Variants in PLCG2 observed in about 807,000 individuals in gnomAD.
PLCG2 encodes the protein phospholipase C gamma 2.
In PLCG2, 69 loss-of-function variants were observed where a neutral mutation model predicts 175.6. The observed-to-expected ratio is 0.39, with a 90% CI of 0.32 to 0.48. The LOEUF is 0.48. Ranked by LOEUF, PLCG2 falls within the 20% of genes least tolerant of loss-of-function variation. The probability of loss-of-function intolerance (pLI) is 0.91; values close to 1 mark genes in which losing one functional copy is unlikely to be tolerated. For missense variants in PLCG2, 1,798 were observed against 1,650.9 expected (o/e 1.09, Z -1.54); for synonymous variants, 827 against 624.0 (o/e 1.33, Z -4.85).
chr16:81,864,221 A>T (rs376236254), intron 5 of PLCG2, among the ~76,000 whole-genome samples: 1 of 152,306 alleles, frequency 6.6e-6, no homozygotes, highest in African/African-American at 2.4e-5. Flanking sequence ...TTGCATTTCA[A>T]CCAATCCCCA....
intron 22 of PLCG2, among the ~76,000 whole-genome samples, chr16:81,925,124 G>A (rs1047120764): frequency 1.3e-5 from 2 of 152,208 alleles, no homozygotes; most frequent in Non-Finnish European, 2.9e-5. Context: ...GCCTCTGACA[G>A]GCAGTTCTCT....
In PLCG2 at chr16:81,896,024, C is replaced by A. The variant is rs911886619; in HGVS notation, c.1193+97C>A. 10 of 1,452,034 alleles carry A rather than the reference C, an allele frequency of 6.9e-6. No homozygotes were observed. The African/African-American group carries it at 1.2e-4, about 18-fold the overall frequency. 89.9% of individuals were successfully genotyped at this position (1,452,034 alleles called of 1,614,324 possible). A position where few individuals can be genotyped will look rare whatever the true frequency, so the allele number is the denominator to read the frequency against. ...GACAGGCAAACACACACAGACACCTCCCTCCAAATGCGGGAAGGCCTGGGC... is the reference window on the plus strand; with the variant it reads ...GACAGGCAAACACACACAGACACCTACCTCCAAATGCGGGAAGGCCTGGGC... On this transcript the variant is annotated intron_variant, in intron 13 of 32. Coordinates refer to ENST00000564138, the MANE Select transcript of PLCG2 (RefSeq NM_002661.5).
intron 2 of PLCG2, among the ~76,000 whole-genome samples, chr16:81,832,906 C>A (rs1172900202): frequency 6.6e-6 from 1 of 152,184 alleles, no homozygotes; most frequent in African/African-American, 2.4e-5. Context: ...GTGTGAGGCC[C>A]AGGCAGCCAG....
At chr16:81,763,882 G>C (rs532605909) in intron 2 of PLCG2, among the ~76,000 whole-genome samples, 1 of 152,054 alleles carries the variant, frequency 6.6e-6, no homozygotes, top group Non-Finnish European at 1.5e-5. Context: ...CATGAGAGTC[G>C]CTTGAACCCA....
chr16:81,818,280 C>T (rs903428025), intron 2 of PLCG2, among the ~76,000 whole-genome samples: 1 of 152,202 alleles, frequency 6.6e-6, no homozygotes, highest in Non-Finnish European at 1.5e-5. Context: ...TGGAGGACAT[C>T]CCATTAGTCT....
chr16:81,895,933 T>C lies in PLCG2; in HGVS notation c.1193+6T>C, dbSNP rs762995257. ...CACGCCTTTGTTACCTCGAGGTCAG[T>C]TGGCTGATTTCTGGGTGGTGTGACT... On this transcript the variant is annotated splice_donor_region_variant and intron_variant, in intron 13 of 32. Transcript: ENST00000564138. 14 of 1,613,888 alleles carry C rather than the reference T, an allele frequency of 8.7e-6. No homozygotes were observed. The highest frequency in any genetic ancestry group is 3.3e-5 in the Admixed American group (2 of 59,992).
At chr16:81,939,135 C>T (rs1047719134) in intron 29 of PLCG2, among the ~76,000 whole-genome samples, 1 of 152,108 alleles carries the variant, frequency 6.6e-6, no homozygotes, top group Non-Finnish European at 1.5e-5. Flanking sequence ...GCCTGTAACT[C>T]AAGTCCGGAA....
intron 2 of PLCG2, among the ~76,000 whole-genome samples, chr16:81,768,077 A>G (rs1910193004): frequency 6.6e-6 from 1 of 152,112 alleles, no homozygotes. Flanking sequence ...TTTAGTACAG[A>G]TGGGGTTTCA....
At chr16:81,937,708 GC>G (rs1309869791) in intron 27 of PLCG2, 49 bp from the exon 28 acceptor site, 2 of 1,573,416 alleles carry the variant, frequency 1.3e-6, no homozygotes, top group African/African-American at 2.7e-5. Flanking sequence ...GGCCTAGGGG[GC>G]CAGCGTGCTC....
At chr16:81,897,196 T>A (rs530612379) in intron 13 of PLCG2, among the ~76,000 whole-genome samples, 1 of 152,318 alleles carries the variant, frequency 6.6e-6, no homozygotes, top group Admixed American at 6.5e-5. Context: ...CTGGTTTGGG[T>A]TCCTTGTTAT....
chr16:81,790,929 A>G (rs1169723897), intron 2 of PLCG2, among the ~76,000 whole-genome samples: 1 of 152,170 alleles, frequency 6.6e-6, no homozygotes, highest in Non-Finnish European at 1.5e-5. Context: ...ACAGAGAGTG[A>G]TCCAGCAAAC....
At chr16:81,778,455 T>G (rs2143136154), upstream of PLCG2, among the ~76,000 whole-genome samples, 1 of 152,306 alleles carries the variant, frequency 6.6e-6, no homozygotes, top group South Asian at 2.1e-4. Flanking sequence ...AAACTGCCTC[T>G]AGTCACAACA....
At position 81,786,050 on chromosome 16, in the gene PLCG2, G is replaced by T. The variant is rs1248111391; in HGVS notation, c.61G>T (p.Ala21Ser). 9 of 1,614,114 alleles carry T rather than the reference G, an allele frequency of 5.6e-6. No individual in the cohort carries two copies. In the African/African-American group the frequency reaches 6.7e-5, roughly 12 times the overall value. Reference sequence around the variant, plus strand: ...ATATGAGAAGAGCCAGATCAAGAGAGCCCTGGAGCTGGGGACGGTGATGAC... The same window carrying T: ...ATATGAGAAGAGCCAGATCAAGAGATCCCTGGAGCTGGGGACGGTGATGAC... ...AEYEKSQIKR[A>S]LELGTVMTVF... Residue 21 changes from alanine (A) to serine (S), a missense_variant, in exon 2 of 33, where the codon GCC becomes TCC. By Grantham distance (99) the Ala-to-Ser change is moderately conservative. Transcript: ENST00000564138.
chr16:81,879,260 G>A (rs67600638), intron 7 of PLCG2, among the ~76,000 whole-genome samples: 1 of 151,968 alleles, frequency 6.6e-6, no homozygotes, highest in Admixed American at 6.5e-5. Flanking sequence ...GCCTTCAGCA[G>A]CAGGCTGACT....
chr16:81,768,777 C>T (rs965890042), intron 2 of PLCG2, among the ~76,000 whole-genome samples: 4 of 151,984 alleles, frequency 2.6e-5, no homozygotes, highest in Non-Finnish European at 4.4e-5. Flanking sequence ...ATGTTGGCCA[C>T]GCTGGTCTCC....
intron 30 of PLCG2, among the ~76,000 whole-genome samples, chr16:81,942,817 A>C (rs1250081464): frequency 6.6e-6 from 1 of 151,968 alleles, no homozygotes; most frequent in Non-Finnish European, 1.5e-5. Flanking sequence ...CTGCCCTCTC[A>C]CTGGGTGCTC....
intron 12 of PLCG2, among the ~76,000 whole-genome samples, chr16:81,894,231 C>T (rs540210993): frequency 7.4e-4 from 112 of 151,782 alleles, no homozygotes; most frequent in African/African-American, 2.6e-3. Context: ...GAGTTTGAGA[C>T]CAGCCTGGGC....
chr16:81,804,094 C>T (rs937413611), intron 2 of PLCG2, among the ~76,000 whole-genome samples: 5 of 152,316 alleles, frequency 3.3e-5, no homozygotes, highest in East Asian at 1.9e-4. Flanking sequence ...TCTAGGTTAT[C>T]TGTAACTGTT....
chr16:81,793,851 C>T (rs1267465789), intron 2 of PLCG2, among the ~76,000 whole-genome samples: 1 of 152,132 alleles, frequency 6.6e-6, no homozygotes, highest in East Asian at 1.9e-4. Flanking sequence ...AGATGACATG[C>T]CCAAGTTAAG....
Sources: allele counts gnomAD v4.1 joint callset (sites outside exome capture counted in the v4.1 genomes callset), GRCh38; gene constraint gnomAD v4.1.1; transcripts MANE v1.5; gene names NCBI Gene and HGNC (gene_info 2026-07-23, HGNC 2026-07-21).